Variants in NPLOC4 observed in about 807,000 individuals in gnomAD.
NPLOC4 encodes the protein NPL4 homolog, ubiquitin recognition factor, also known as nuclear protein localization protein 4 homolog.
In NPLOC4, 18 loss-of-function variants were observed where a neutral mutation model predicts 80.6. The observed-to-expected ratio is 0.22, with a 90% CI of 0.15 to 0.33. The LOEUF (loss-of-function observed/expected upper bound fraction) is 0.33, where lower values mean the gene tolerates loss of function less well. NPLOC4 is among the 10% of genes least tolerant of loss of function. The pLI is 1.00. For missense variants in NPLOC4, 540 were observed against 786.1 expected, an observed-to-expected ratio of 0.69 and a Z score of 3.74; for synonymous variants, 313 against 301.5, an observed-to-expected ratio of 1.04 and a Z score of -0.39.
At chr17:81,559,630 G>A (rs1343012400) in intron 16 of NPLOC4, among the ~76,000 whole-genome samples, 2 of 152,122 alleles carry the variant, frequency 1.3e-5, no homozygotes, top group Non-Finnish European at 2.9e-5. Flanking sequence ...GGGAGTAACA[G>A]GGAGCCTGTG....
At chr17:81,574,699 G>A (rs775924239) in intron 12 of NPLOC4, among the ~76,000 whole-genome samples, 1 of 152,240 alleles carries the variant, frequency 6.6e-6, no homozygotes, top group South Asian at 2.1e-4. Flanking sequence ...TCCAGGGATC[G>A]ATGTCTTTGT....
chr17:81,580,420 G>C lies in NPLOC4; in HGVS notation c.1282-8332C>G, dbSNP rs9903882. 0.14 allele frequency among the ~76,000 whole-genome samples: 21,776 copies of C among 152,006 alleles called. 1,862 individuals carry two copies. Among genetic ancestry groups the C allele is most frequent in the Admixed American group, 0.23 (3,528 of 15,274 alleles). On this transcript the variant is annotated intron_variant, in intron 12 of 16. Coordinates refer to ENST00000331134, the MANE Select transcript of NPLOC4 (RefSeq NM_017921.4). The surrounding 1 kb of genome is among the most constrained non-coding windows in gnomAD (Gnocchi z 4.4). ...TCCGAGCCCAGCAGCCAGAGTGATC[G>C]TCTCACAGCCCCGGCACAGCCATCT...
At chr17:81,582,235 G>A (rs1309136835) in intron 12 of NPLOC4, among the ~76,000 whole-genome samples, 1 of 152,216 alleles carries the variant, frequency 6.6e-6, no homozygotes, top group Non-Finnish European at 1.5e-5. Context: ...TGAGGTAAGC[G>A]AGCTGTGGCA....
chr17:81,561,210 G>A (rs2033839976), intron 16 of NPLOC4, among the ~76,000 whole-genome samples: 1 of 152,124 alleles, frequency 6.6e-6, no homozygotes, highest in Admixed American at 6.5e-5. Flanking sequence ...CACCGCCTCG[G>A]CCTCCCAAAG....
At chr17:81,601,465 C>G (rs2035054601) in intron 8 of NPLOC4, among the ~76,000 whole-genome samples, 1 of 152,172 alleles carries the variant, frequency 6.6e-6, no homozygotes, top group South Asian at 2.1e-4. Context: ...TTTGCCATGT[C>G]AGCCAGGCTA....
chr17:81,607,708 T>C (rs2055545587), intron 6 of NPLOC4, among the ~76,000 whole-genome samples: 1 of 152,136 alleles, frequency 6.6e-6, no homozygotes, highest in Admixed American at 6.6e-5. Flanking sequence ...CCAAGTCTCT[T>C]TCACTACAAT....
At chr17:81,614,129 T>C (rs1427337394) in intron 3 of NPLOC4, among the ~76,000 whole-genome samples, 1 of 151,542 alleles carries the variant, frequency 6.6e-6, no homozygotes, top group East Asian at 1.9e-4. Context: ...ACAAAAAGAC[T>C]AGCTGGGCGT....
chr17:81,576,419 G>A (rs1161359733), intron 12 of NPLOC4, among the ~76,000 whole-genome samples: 1 of 152,176 alleles, frequency 6.6e-6, no homozygotes, highest in African/African-American at 2.4e-5. Flanking sequence ...TGTATACGGA[G>A]GTCTAACTTT....
rs118063254 is a variant in NPLOC4, at chr17:81,577,104, G to A, written c.1282-5016C>T. Among the ~76,000 whole-genome samples, 721 of 152,252 alleles carry A rather than the reference G, an allele frequency of 4.7e-3. 6 individuals carry two copies. Among genetic ancestry groups the A allele is most frequent in the Non-Finnish European group, 7.7e-3 (526 of 68,012 alleles). On this transcript the variant is annotated intron_variant, in intron 12 of 16. Coordinates refer to ENST00000331134, the MANE Select transcript of NPLOC4 (RefSeq NM_017921.4). The surrounding 1 kb of genome is among the most constrained non-coding windows in gnomAD (Gnocchi z 4.3). Reference sequence around the variant, plus strand: ...CGGCCTGCTGAGTAAGCAATGCCTGGCCACAGCAAGGGGCAGTGGGTTCCT... The same window carrying A: ...CGGCCTGCTGAGTAAGCAATGCCTGACCACAGCAAGGGGCAGTGGGTTCCT...
intron 7 of NPLOC4, among the ~76,000 whole-genome samples, chr17:81,605,904 C>T (rs190143887): frequency 7.6e-4 from 116 of 151,796 alleles, no homozygotes; most frequent in Middle Eastern, 3.4e-3. Flanking sequence ...TCACTGCAAC[C>T]TCTGCCTTCA....
intron 8 of NPLOC4, 132 bp downstream of exon 8, chr17:81,604,413 ATGT>A: frequency 2.8e-6 from 2 of 715,414 alleles, no homozygotes; most frequent in South Asian, 2.1e-5. Context: ...AACTCAGAAA[ATGT>A]TGTGCACGTG....
intron 1 of NPLOC4, among the ~76,000 whole-genome samples, chr17:81,633,716 C>T (rs73371204): frequency 0.045 from 6,865 of 152,156 alleles, 272 homozygotes; most frequent in East Asian, 0.22. Context: ...ACTCTTTTCT[C>T]CCCCCAAGAC....
chr17:81,628,230 A>AG (rs1343007044), intron 2 of NPLOC4, among the ~76,000 whole-genome samples: 1 of 141,020 alleles, frequency 7.1e-6, no homozygotes. Flanking sequence ...AAAAGAAAAA[A>AG]AAAAGAAAAA....
At chr17:81,596,757 G>A (rs2034918297) in intron 10 of NPLOC4, among the ~76,000 whole-genome samples, 2 of 152,148 alleles carry the variant, frequency 1.3e-5, no homozygotes, top group South Asian at 4.1e-4. Context: ...AGGTAAGATG[G>A]GTTTAGCTCT....
At chr17:81,630,390 T>C (rs1287290015) in intron 1 of NPLOC4, among the ~76,000 whole-genome samples, 1 of 152,070 alleles carries the variant, frequency 6.6e-6, no homozygotes, top group Non-Finnish European at 1.5e-5. Context: ...AAGGTTCAAG[T>C]GATCCTCTGA....
In NPLOC4 at chr17:81,622,228, A is replaced by G. The variant is rs1720684740; in HGVS notation, c.147T>C (p.Asn49=). The G allele has an allele frequency of 6.2e-7, 1 of 1,613,922 alleles. No individual in the cohort carries two copies. Among genetic ancestry groups the G allele is most frequent in the Admixed American group, 1.7e-5 (1 of 60,002 alleles). The part of the protein sequence containing the change: ...FQNNGFSVYI[N]RNKTGEITAS... Reference sequence around the variant, plus strand: ...CTGTTATCTCTCCGGTCTTGTTTCTATTGATGTAAACCGAGAAGCCATTAT... The same window carrying G: ...CTGTTATCTCTCCGGTCTTGTTTCTGTTGATGTAAACCGAGAAGCCATTAT... Residue 49 remains asparagine, a synonymous_variant, in exon 3 of 17, where the codon AAT becomes AAC. Coordinates refer to ENST00000331134, the MANE Select transcript of NPLOC4 (RefSeq NM_017921.4).
chr17:81,587,175 C>G (rs1448594143), intron 12 of NPLOC4, among the ~76,000 whole-genome samples: 1 of 152,184 alleles, frequency 6.6e-6, no homozygotes, highest in Non-Finnish European at 1.5e-5. Context: ...TATATAAGAA[C>G]ATTAAAAGTT....
chr17:81,595,478 ACT>A (rs201148025), intron 11 of NPLOC4, among the ~76,000 whole-genome samples: 1,559 of 142,982 alleles, frequency 0.011, 37 homozygotes, highest in African/African-American at 0.038. Flanking sequence ...ATGGAGTTTC[ACT>A]CTGTCGCCCA....
At chr17:81,564,093 C>T (rs1326847079) in intron 16 of NPLOC4, 1 of 335,432 alleles carries the variant, frequency 3.0e-6, no homozygotes, top group Non-Finnish European at 5.9e-6. Context: ...AACACACACA[C>T]ACACACACAC....
Sources: gnomAD v4.1 joint callset for allele counts (sites outside exome capture counted in the v4.1 genomes callset) on GRCh38, gnomAD v4.1.1 for gene constraint, Gnocchi (gnomAD v3.1) non-coding constraint, MANE v1.5 for transcripts, NCBI Gene and HGNC (gene_info 2026-07-23, HGNC 2026-07-21) for gene names.